The following PKHD1L1 variants were observed in gnomAD, a reference collection of about 807,000 sequenced individuals.
PKHD1L1 encodes PKHD1 like 1.
PKHD1L1 carries 434 observed loss-of-function variants against 462.9 expected under a neutral mutation model. The ratio of observed to expected loss-of-function variants is 0.94; its 90% CI spans 0.87 to 1.02. The LOEUF (loss-of-function observed/expected upper bound fraction) is 1.02, where lower values mean the gene tolerates loss of function less well. PKHD1L1 is among the 50% of genes least tolerant of loss of function. The probability of loss-of-function intolerance (pLI) is 0.00; values close to 1 mark genes in which losing one functional copy is unlikely to be tolerated. For missense variants in PKHD1L1, 5,202 were observed against 5,096.1 expected (o/e 1.02, Z -0.63); for synonymous variants, 1,781 against 1,750.0 (o/e 1.02, Z -0.44).
chr8:109,481,404 A>G (rs1268924407), intron 55 of PKHD1L1, 29 bp from the exon 56 acceptor site: 2 of 1,538,982 alleles, frequency 1.3e-6, no homozygotes, highest in Non-Finnish European at 1.7e-6. Context: ...TCAATTTTTA[A>G]GTATTAACAA....
At chr8:109,367,539 T>G (rs144825109) in intron 2 of PKHD1L1, among the ~76,000 whole-genome samples, 1 of 152,354 alleles carries the variant, frequency 6.6e-6, no homozygotes, top group East Asian at 1.9e-4. Context: ...TTTCCAAACA[T>G]AGTATAGTAT....
chr8:109,476,683 C>A lies in PKHD1L1; in HGVS notation c.8917+16C>A. The A allele has an allele frequency of 2.5e-6, 4 of 1,570,570 alleles. No homozygotes were observed. Among genetic ancestry groups the A allele is most frequent in the Non-Finnish European group, 2.6e-6 (3 of 1,160,366 alleles). ...TATTACTTGGGTATGTGTCATTAGG[C>A]AGAAATGATAGTTTATCTAATGCTT... On this transcript the variant is annotated intron_variant, in intron 52 of 77. Coordinates refer to ENST00000378402, the MANE Select transcript of PKHD1L1 (RefSeq NM_177531.6).
chr8:109,483,097 G>A lies in PKHD1L1; in HGVS notation c.9568G>A (p.Asp3190Asn). The change falls in exon 57 of 78, where the codon GAT becomes AAT. Residue 3190 changes from aspartate (D) to asparagine (N), a missense_variant. Asp to Asn is a conservative substitution (Grantham distance 23). This residue lies in a region of PKHD1L1 where 4,497 missense variants were observed against 4,336.8 expected (regional missense o/e 1.04). Transcript: ENST00000378402. ...AGTCCTGTCTCTGATGGATGCTGTG[G>A]ATTGGCAGGTAGACAAAATAATTAT... ...SKVLSLMDAV[D>N]WQEGEEIVIT... 1 of 1,576,772 alleles carries A rather than the reference G, an allele frequency of 6.3e-7. No individual in the cohort carries two copies. The highest frequency in any genetic ancestry group is 1.2e-5 in the South Asian group (1 of 86,112).
intron 2 of PKHD1L1, among the ~76,000 whole-genome samples, chr8:109,377,816 T>C (rs1211194801): frequency 1.3e-5 from 2 of 152,178 alleles, no homozygotes; most frequent in African/African-American, 4.8e-5. Context: ...TATTCATAGG[T>C]TTTATTTCTT....
At chr8:109,484,686 C>T (rs993707279) in intron 57 of PKHD1L1, among the ~76,000 whole-genome samples, 6 of 151,666 alleles carry the variant, frequency 4.0e-5, no homozygotes, top group Non-Finnish European at 5.9e-5. Flanking sequence ...AACAAACAAA[C>T]AAAAAACTAG....
At chr8:109,526,374 A>T (rs1673429) in intron 76 of PKHD1L1, among the ~76,000 whole-genome samples, 97,751 of 152,002 alleles carry the variant, frequency 0.64, 33,045 homozygotes, top group African/African-American at 0.86. Flanking sequence ...TCAGTATCCA[A>T]CCCCACCTCC....
intron 73 of PKHD1L1, among the ~76,000 whole-genome samples, chr8:109,520,614 C>G (rs2131022990): frequency 6.6e-6 from 1 of 152,178 alleles, no homozygotes; most frequent in African/African-American, 2.4e-5. Context: ...AAGGAGAACC[C>G]TACAACTTGG....
At chr8:109,414,432 A>G (rs1346367405) in intron 21 of PKHD1L1, among the ~76,000 whole-genome samples, 1 of 152,148 alleles carries the variant, frequency 6.6e-6, no homozygotes, top group Non-Finnish European at 1.5e-5. Flanking sequence ...TCTTTCATAT[A>G]AAGTTTTTCT....
chr8:109,468,711 G>A (rs900241000), intron 50 of PKHD1L1, among the ~76,000 whole-genome samples: 3 of 152,150 alleles, frequency 2.0e-5, no homozygotes, highest in Non-Finnish European at 2.9e-5. Flanking sequence ...TCTGGCTGGT[G>A]GGCCATGTTA....
At chr8:109,511,348 C>A (rs1819969400) in intron 71 of PKHD1L1, among the ~76,000 whole-genome samples, 2 of 114,710 alleles carry the variant, frequency 1.7e-5, no homozygotes. Flanking sequence ...TCCCCCCTCC[C>A]CCCACCCCAC....
rs780429109 is a variant in PKHD1L1, at chr8:109,464,603, C to A, written c.7771C>A (p.His2591Asn). The A allele has an allele frequency of 1.2e-6, 2 of 1,612,738 alleles. No individual in the cohort carries two copies. Among genetic ancestry groups the A allele is most frequent in the South Asian group, 2.2e-5 (2 of 91,084 alleles). The change falls in exon 49 of 78, where the codon CAC (histidine) becomes AAC (asparagine). Residue 2591 changes from histidine (H) to asparagine (N), a missense_variant. His to Asn is a moderately conservative substitution (Grantham distance 68). This residue lies in a region of PKHD1L1 where 4,497 missense variants were observed against 4,336.8 expected (regional missense o/e 1.04). Transcript: ENST00000378402. The stretch of plus-strand genomic sequence containing the variant: ...TGGCTTTTGGTACCGGATGAACAAC[C>A]ACCCTGATGGGCCATCCTATGACAG... The part of the protein sequence containing the change: ...HFGFWYRMNN[H>N]PDGPSYDRNI...
At chr8:109,503,016 C>G (rs1819505692) in intron 67 of PKHD1L1, among the ~76,000 whole-genome samples, 1 of 152,154 alleles carries the variant, frequency 6.6e-6, no homozygotes, top group African/African-American at 2.4e-5. Flanking sequence ...TTAGAGAAGA[C>G]AGCAGCTGGC....
chr8:109,452,306 T>C (rs1188086311), intron 42 of PKHD1L1, 26 bp downstream of exon 42: 2 of 1,513,258 alleles, frequency 1.3e-6, no homozygotes, highest in South Asian at 1.4e-5. Context: ...GGTATAGTAA[T>C]CACAGCAATA....
intron 6 of PKHD1L1, among the ~76,000 whole-genome samples, chr8:109,387,700 T>C (rs1812507189): frequency 6.6e-6 from 1 of 152,198 alleles, no homozygotes; most frequent in Non-Finnish European, 1.5e-5. Context: ...CCTAATGTAA[T>C]GATCAAATGA....
At chr8:109,404,781 T>G in intron 15 of PKHD1L1, 68 bp downstream of exon 15, 1 of 1,402,454 alleles carries the variant, frequency 7.1e-7, no homozygotes, top group South Asian at 1.5e-5. Flanking sequence ...ATTTGATTAT[T>G]AATTTTACTA....
At chr8:109,448,539 T>G (rs1301305404) in intron 39 of PKHD1L1, 148 bp downstream of exon 39, 8 of 993,536 alleles carry the variant, frequency 8.1e-6, no homozygotes, top group Admixed American at 3.3e-5. Context: ...TGAGACAGAG[T>G]CTCGCTCGGT....
At chr8:109,444,124 C>CG (rs1554578299) in intron 37 of PKHD1L1, among the ~76,000 whole-genome samples, 1 of 151,180 alleles carries the variant, frequency 6.6e-6, no homozygotes, top group African/African-American at 2.4e-5. Flanking sequence ...CTCCCCCCCC[C>CG]AAAAAAAACC....
At chr8:109,373,999 T>C (rs1440516241) in intron 2 of PKHD1L1, among the ~76,000 whole-genome samples, 2 of 152,174 alleles carry the variant, frequency 1.3e-5, no homozygotes, top group Non-Finnish European at 2.9e-5. Context: ...GGTGGAGAGT[T>C]CTGTAGATGT....
chr8:109,512,586 T>A (rs1166953904), intron 71 of PKHD1L1, among the ~76,000 whole-genome samples: 4 of 150,820 alleles, frequency 2.7e-5, no homozygotes, highest in Non-Finnish European at 4.5e-5. Flanking sequence ...CCATGCTGTT[T>A]TGGTTACTGT....
Sources: allele counts gnomAD v4.1 joint callset (sites outside exome capture counted in the v4.1 genomes callset), GRCh38; gene constraint gnomAD v4.1.1; regional missense constraint gnomAD v4.1.1; transcripts MANE v1.5; gene names NCBI Gene and HGNC (gene_info 2026-07-23, HGNC 2026-07-21).